Variants in CUX2 observed in about 807,000 individuals in gnomAD.
CUX2 encodes cut like homeobox 2.
CUX2 carries 40 observed loss-of-function variants against 144.8 expected under a neutral mutation model. The observed-to-expected ratio is 0.28, with a 90% CI of 0.21 to 0.36. The LOEUF is 0.36. Among genes scored for constraint, CUX2 ranks in the 10% least tolerant of loss-of-function variants. The pLI is 1.00. For missense variants in CUX2, 1,615 were observed against 1,994.0 expected, an observed-to-expected ratio of 0.81 and a Z score of 3.62; for synonymous variants, 827 against 875.6, an observed-to-expected ratio of 0.94 and a Z score of 0.98.
intron 1 of CUX2, among the ~76,000 whole-genome samples, chr12:111,088,456 A>C (rs1592881347): frequency 1.3e-5 from 2 of 152,342 alleles, no homozygotes; most frequent in South Asian, 2.1e-4. Flanking sequence ...CAATTAAAAA[A>C]AAAAGTAAAG....
intron 1 of CUX2, among the ~76,000 whole-genome samples, chr12:111,129,247 C>T (rs550435061): frequency 6.6e-6 from 1 of 152,222 alleles, no homozygotes; most frequent in South Asian, 2.1e-4. Flanking sequence ...GTCCAATAAG[C>T]ATAGTATCAT....
At chr12:111,074,690 C>T (rs1871425133) in intron 1 of CUX2, among the ~76,000 whole-genome samples, 1 of 152,048 alleles carries the variant, frequency 6.6e-6, no homozygotes, top group South Asian at 2.1e-4. Context: ...GGCACCAGAA[C>T]CAACTGCATT....
chr12:111,060,154 G>A (rs1870699588), intron 1 of CUX2, among the ~76,000 whole-genome samples: 1 of 152,068 alleles, frequency 6.6e-6, no homozygotes, highest in Non-Finnish European at 1.5e-5. Context: ...TATTGTTTAT[G>A]GGACAAAGTC....
intron 18 of CUX2, among the ~76,000 whole-genome samples, chr12:111,330,688 TATATATA>T (rs1888049679): frequency 1.4e-3 from 1 of 734 alleles, no homozygotes; most frequent in East Asian, 5.8e-3. Context: ...TACATATACA[TATATATA>T]TATATATATA....
intron 1 of CUX2, among the ~76,000 whole-genome samples, chr12:111,097,698 C>T (rs987239619): frequency 6.6e-6 from 1 of 152,120 alleles, no homozygotes; most frequent in African/African-American, 2.4e-5. Context: ...AGGTCCTGCT[C>T]GGCAAGCGAG....
At position 111,132,498 on chromosome 12, in the gene CUX2, C is replaced by A. The variant is rs1875555547; in HGVS notation, c.64-81702C>A. The stretch of plus-strand genomic sequence containing the variant: ...CTTGAATTTCTCCCCAGAAAATGGG[C>A]TTTTCTTATCTACTGCATCATCAGG... On this transcript the variant is annotated intron_variant, in intron 1 of 21. Transcript: ENST00000261726. Among the ~76,000 whole-genome samples, 3 of 146,130 alleles carry A rather than the reference C, an allele frequency of 2.1e-5. No individual in the cohort carries two copies. In the Admixed American group the frequency reaches 2.1e-4, roughly 10 times the overall value.
Position 111,186,959 on chromosome 12 carries a change from G to T in CUX2, c.64-27241G>T, listed in dbSNP as rs1305028417. ...ATGCCTGGCTAATTTTTGTATTTTTGGTAGAGATGGGGTTTTGCCATGTTG... is the reference window on the plus strand; with the variant it reads ...ATGCCTGGCTAATTTTTGTATTTTTTGTAGAGATGGGGTTTTGCCATGTTG... On this transcript the variant is annotated intron_variant, in intron 1 of 21. Coordinates refer to ENST00000261726, the MANE Select transcript of CUX2 (RefSeq NM_015267.4). This position sits in a 1 kb window ranked among gnomAD's most constrained non-coding sequence, Gnocchi z 4.4. Among the ~76,000 whole-genome samples the T allele has an allele frequency of 6.6e-6, 1 of 151,746 alleles. No homozygotes were observed. Among genetic ancestry groups the T allele is most frequent in the East Asian group, 1.9e-4 (1 of 5,158 alleles).
rs1877690277 is a variant in CUX2 at position 111,160,544 on chromosome 12, G to T, written c.64-53656G>T. 6.6e-6 allele frequency among the ~76,000 whole-genome samples: 1 copy of T among 152,224 alleles called. No individual in the cohort carries two copies. The highest frequency in any genetic ancestry group is 2.1e-4 in the South Asian group (1 of 4,832). ...GAACTCGCGTGACCCGGCACAGAGG[G>T]GGCGCGAGATGCGAGCAGGGAGCAG... On this transcript the variant is annotated intron_variant, in intron 1 of 21. Transcript: ENST00000261726. The surrounding 1 kb of genome is among the most constrained non-coding windows in gnomAD (Gnocchi z 4.1).
At chr12:111,338,537 T>C in intron 20 of CUX2, 63 bp downstream of exon 20, 1 of 1,495,566 alleles carries the variant, frequency 6.7e-7, no homozygotes, top group Non-Finnish European at 9.1e-7. Flanking sequence ...GAACCATATC[T>C]AGCTGTAACC....
At chr12:111,329,385 C>G (rs975455111) in intron 18 of CUX2, among the ~76,000 whole-genome samples, 1 of 152,006 alleles carries the variant, frequency 6.6e-6, no homozygotes, top group Non-Finnish European at 1.5e-5. Flanking sequence ...GTAATTAGCA[C>G]AGTCTTCCTG....
At chr12:111,176,039 CTTTT>C (rs1172563784) in intron 1 of CUX2, among the ~76,000 whole-genome samples, 14 of 70,194 alleles carry the variant, frequency 2.0e-4, no homozygotes, top group Non-Finnish European at 2.6e-4. Flanking sequence ...TCTTCTTCTT[CTTTT>C]TTTTTTTTTT....
At position 111,214,284 on chromosome 12, in the gene CUX2, C is replaced by T. The variant is rs1592846607; in HGVS notation, c.148C>T (p.Arg50Trp). 2 of 1,605,366 alleles carry T rather than the reference C, an allele frequency of 1.2e-6. No individual in the cohort carries two copies. The highest frequency in any genetic ancestry group is 1.7e-6 in the Non-Finnish European group (2 of 1,175,738). ...HSHKHLIELR[R>W]EFKKNVPEEI... is the part of the protein sequence containing the mutation. Reference sequence around the variant, plus strand: ...TCATAAACATTTAATTGAACTCCGCCGGGAATTTAAGAAAAATGTACCTGA... The same window carrying T: ...TCATAAACATTTAATTGAACTCCGCTGGGAATTTAAGAAAAATGTACCTGA... Residue 50 changes from arginine to tryptophan, a missense_variant, in exon 2 of 22, where the codon CGG (arginine) becomes TGG (tryptophan). Around this residue, in one of 12 missense-constraint regions of CUX2, gnomAD observed 295 missense variants for 400.2 expected, o/e 0.74. Coordinates refer to ENST00000261726, the MANE Select transcript of CUX2 (RefSeq NM_015267.4).
At chr12:111,330,686 C>CATAT (rs57018141) in intron 18 of CUX2, among the ~76,000 whole-genome samples, 15 of 59,274 alleles carry the variant, frequency 2.5e-4, no homozygotes, top group Admixed American at 6.7e-4. Flanking sequence ...AATACATATA[C>CATAT]ATATATATAT....
chr12:111,268,086 T>C (rs1884468490), intron 4 of CUX2, among the ~76,000 whole-genome samples: 1 of 150,678 alleles, frequency 6.6e-6, no homozygotes, highest in African/African-American at 2.5e-5. Context: ...TGTAAGCCAC[T>C]GTACCCAACC....
At chr12:111,046,102 C>T (rs1202460810) in intron 1 of CUX2, among the ~76,000 whole-genome samples, 1 of 152,196 alleles carries the variant, frequency 6.6e-6, no homozygotes, top group African/African-American at 2.4e-5. Flanking sequence ...CCTGTAAGGA[C>T]AGGAATCTAA....
At chr12:111,096,285 C>T (rs1238383484) in intron 1 of CUX2, among the ~76,000 whole-genome samples, 1 of 152,204 alleles carries the variant, frequency 6.6e-6, no homozygotes, top group Non-Finnish European at 1.5e-5. Flanking sequence ...CTCAAGTTCC[C>T]TACCTGCCTG....
At chr12:111,248,869 A>G (rs1199819840) in intron 3 of CUX2, among the ~76,000 whole-genome samples, 1 of 152,226 alleles carries the variant, frequency 6.6e-6, no homozygotes, top group Non-Finnish European at 1.5e-5. Context: ...CTGGCTCAAT[A>G]TATATGCACA....
rs574440394 is a variant in CUX2 at position 111,287,671 on chromosome 12, A to C, written c.302-3747A>C. On this transcript the variant is annotated intron_variant, in intron 4 of 21. Transcript: ENST00000261726. This position sits in a 1 kb window ranked among gnomAD's most constrained non-coding sequence, Gnocchi z 4.2. ...TACCCTGCTGCGCAGGCCCTGCCTAATGACGGGGCGTGGGGGCTGCCGGCA... is the reference window on the plus strand; with the variant it reads ...TACCCTGCTGCGCAGGCCCTGCCTACTGACGGGGCGTGGGGGCTGCCGGCA... Among the ~76,000 whole-genome samples, 31 of 152,372 alleles carry C rather than the reference A, an allele frequency of 2.0e-4. No individual in the cohort carries two copies. In the South Asian group the frequency reaches 6.0e-3, roughly 30 times the overall value.
intron 20 of CUX2, 28 bp from the exon 21 acceptor site, chr12:111,341,752 T>G (rs1888586560): frequency 6.4e-7 from 1 of 1,550,484 alleles, no homozygotes. Context: ...ACACCACCTC[T>G]CAGCCCTCCC....
Sources: gnomAD v4.1 joint callset for allele counts (sites outside exome capture counted in the v4.1 genomes callset) on GRCh38, gnomAD v4.1.1 for gene constraint, gnomAD v4.1.1 regional missense constraint, Gnocchi (gnomAD v3.1) non-coding constraint, MANE v1.5 for transcripts, NCBI Gene and HGNC (gene_info 2026-07-23, HGNC 2026-07-21) for gene names.